The following DOT1L variants were observed in gnomAD, a reference collection of about 807,000 sequenced individuals.
The protein encoded by DOT1L is histone-lysine N-methyltransferase, H3 lysine-79 specific.
Under a neutral mutation model 153.3 loss-of-function variants are expected in DOT1L, and 33 were observed. That is an observed-to-expected ratio of 0.22 (90% CI 0.16 to 0.29). The LOEUF (loss-of-function observed/expected upper bound fraction) is 0.29, where lower values mean the gene tolerates loss of function less well. Ranked by LOEUF, DOT1L falls within the 10% of genes least tolerant of loss-of-function variation. The pLI is 1.00. For synonymous variants in DOT1L, 1,135 were observed against 965.1 expected, an observed-to-expected ratio of 1.18 and a Z score of -3.26; for missense variants, 1,847 against 2,119.9, an observed-to-expected ratio of 0.87 and a Z score of 2.53.
At position 2,167,194 on chromosome 19, in the gene DOT1L, C is replaced by T. The variant is rs532942159; in HGVS notation, c.81+2929C>T. On this transcript the variant is annotated intron_variant, in intron 1 of 27. Transcript: ENST00000398665. ...GATTTTTGGTGAAAGTCAGTGTTCG[C>T]GTGGCGAGGTTCTCAGGGGTGGACC... Among the ~76,000 whole-genome samples the T allele has an allele frequency of 4.6e-5, 7 of 152,230 alleles. No individual in the cohort carries two copies. In the South Asian group the frequency reaches 1.0e-3, roughly 23 times the overall value.
At chr19:2,178,168 G>C (rs2022042340) in intron 1 of DOT1L, among the ~76,000 whole-genome samples, 1 of 149,776 alleles carries the variant, frequency 6.7e-6, no homozygotes, top group African/African-American at 2.5e-5. Context: ...CTGACCTCGA[G>C]TGATCCACCC....
chr19:2,199,806 C>A lies in DOT1L; in HGVS notation c.652-78C>A, dbSNP rs112096482. ...CAAGCGGAGCTGTGTTCATTCCATT[C>A]TTTCTTCACAGGGGCTGGGCGGGCT... is the stretch of plus-strand genomic sequence containing the variant. On this transcript the variant is annotated intron_variant, in intron 7 of 27. Coordinates refer to ENST00000398665, the MANE Select transcript of DOT1L (RefSeq NM_032482.3). 1.2e-5 allele frequency: 17 copies of A among 1,414,554 alleles called. 2 individuals are homozygous for A. In the African/African-American group the frequency reaches 1.6e-4, roughly 14 times the overall value. The allele number at this position is 1,414,554 out of a possible 1,614,324, so 87.6% of individuals were successfully genotyped here.
rs2023589270 is a variant in DOT1L, at chr19:2,208,491, A to AGCTGAG, written c.964-434_964-429dup. Among the ~76,000 whole-genome samples, 1 of 152,044 alleles carries AGCTGAG rather than the reference A, an allele frequency of 6.6e-6. No individual in the cohort carries two copies. The highest frequency in any genetic ancestry group is 2.4e-5 in the African/African-American group (1 of 41,390). On this transcript the variant is annotated intron_variant, in intron 11 of 27. Transcript: ENST00000398665. The surrounding 1 kb of genome is among the most constrained non-coding windows in gnomAD (Gnocchi z 4.4). ...GGGCCCTGGGACGAGAGGCATGGTGAGCTGAGGCTGAGGCTCTGGGGGCTT... is the reference window on the plus strand; with the variant it reads ...GGGCCCTGGGACGAGAGGCATGGTGAGCTGAGGCTGAGGCTGAGGCTCTGGGGGCTT...
intron 14 of DOT1L, 26 bp downstream of exon 14, chr19:2,210,881 C>T (rs2144834404): frequency 6.2e-7 from 1 of 1,607,936 alleles, no homozygotes; most frequent in Non-Finnish European, 8.5e-7. Context: ...GCCACGGCCC[C>T]CGCTCTCCCC....
chr19:2,188,926 G>C (rs1007939882), intron 3 of DOT1L, among the ~76,000 whole-genome samples: 2 of 152,174 alleles, frequency 1.3e-5, no homozygotes, highest in Admixed American at 6.5e-5. Context: ...GTGCCCCACA[G>C]ACAGTGGGCA....
rs750457600 is a variant in DOT1L, at chr19:2,226,905, C to T, written c.4384C>T (p.Arg1462Trp). ...CGCGGCGTCCTCCGCCCAGACGCAC[C>T]GGTCCTTCCTGGGCCCCTTCCCGCC... is the stretch of plus-strand genomic sequence containing the variant. ...GGAASSAQTHRSFLGPFPPGP... is the reference protein window; with the variant it reads ...GGAASSAQTHWSFLGPFPPGP... Residue 1462 changes from arginine (R) to tryptophan (W), a missense_variant, in exon 27 of 28, where the codon CGG (arginine) becomes TGG (tryptophan). This residue lies in a region of DOT1L where 934 missense variants were observed against 825.3 expected (regional missense o/e 1.13). Transcript: ENST00000398665. 1.1e-5 allele frequency: 17 copies of T among 1,578,750 alleles called. No individual in the cohort carries two copies. Among genetic ancestry groups the T allele is most frequent in the East Asian group, 2.3e-5 (1 of 42,936 alleles).
At chr19:2,187,846 C>T (rs575712285) in intron 3 of DOT1L, among the ~76,000 whole-genome samples, 92 of 149,340 alleles carry the variant, frequency 6.2e-4, no homozygotes, top group South Asian at 1.3e-3. Flanking sequence ...GGTGTGAACC[C>T]GGGAGGCGGA....
intron 8 of DOT1L, 101 bp from the exon 9 acceptor site, chr19:2,202,599 G>A (rs1298443226): frequency 3.6e-5 from 44 of 1,216,904 alleles, no homozygotes; most frequent in Admixed American, 9.1e-5. Flanking sequence ...GGGCGGGTGT[G>A]GGCAGGGCCT....
intron 9 of DOT1L, among the ~76,000 whole-genome samples, chr19:2,205,374 A>T (rs1278854338): frequency 1.3e-5 from 2 of 152,190 alleles, no homozygotes; most frequent in Non-Finnish European, 2.9e-5. Flanking sequence ...TTCTTCCTGC[A>T]GCACACACAA....
rs1290369861 is a variant in DOT1L at position 2,216,284 on chromosome 19, A to G, written c.1927A>G (p.Ser643Gly). Residue 643 changes from serine (S) to glycine (G), a missense_variant, in exon 20 of 28, where the codon AGC becomes GGC. By Grantham distance (56) the Ser-to-Gly change is moderately conservative. Around this residue, in one of 8 missense-constraint regions of DOT1L, gnomAD observed 156 missense variants for 235.7 expected, o/e 0.66. Transcript: ENST00000398665. ...GACACCATCTCTCCTCCTGCAGATC[A>G]GCATTGTGGAGCTAGAGAAGAGCCA... Reference protein sequence around the residue: ...KQRHCLELQISIVELEKSQRQ... With the variant: ...KQRHCLELQIGIVELEKSQRQ... 1 of 1,569,338 alleles carries G rather than the reference A, an allele frequency of 6.4e-7. No homozygotes were observed. Among genetic ancestry groups the G allele is most frequent in the Non-Finnish European group, 8.7e-7 (1 of 1,152,514 alleles).
At position 2,222,544 on chromosome 19, in the gene DOT1L, C is replaced by T. The variant is rs972058108; in HGVS notation, c.3375C>T (p.Leu1125=). The change falls in exon 24 of 28, where the codon CTC becomes CTT. Residue 1125 remains leucine, a synonymous_variant. Coordinates refer to ENST00000398665, the MANE Select transcript of DOT1L (RefSeq NM_032482.3). This position sits in a 1 kb window ranked among gnomAD's most constrained non-coding sequence, Gnocchi z 6.5. The part of the protein sequence containing the change: ...GLFTQPSGSP[L]NLNSMVSNIN... Reference sequence around the variant, plus strand: ...TCACACAGCCTTCGGGGTCTCCCCTCAACCTCAACTCCATGGTAAGGATGG... The same window carrying T: ...TCACACAGCCTTCGGGGTCTCCCCTTAACCTCAACTCCATGGTAAGGATGG... 1.9e-6 allele frequency: 3 copies of T among 1,548,034 alleles called. No homozygotes were observed. Among genetic ancestry groups the T allele is most frequent in the African/African-American group, 2.7e-5 (2 of 73,692 alleles).
chr19:2,172,898 A>T (rs1449714864), intron 1 of DOT1L, among the ~76,000 whole-genome samples: 1 of 150,164 alleles, frequency 6.7e-6, no homozygotes, highest in East Asian at 2.0e-4. Flanking sequence ...AATGGCATGA[A>T]CCCAGGAGGC....
rs2024366262 is a variant in DOT1L, at chr19:2,226,934, A to G, written c.4413A>G (p.Gly1471=). The change falls in exon 27 of 28, where the codon GGA becomes GGG. Residue 1471 remains glycine, a synonymous_variant. Coordinates refer to ENST00000398665, the MANE Select transcript of DOT1L (RefSeq NM_032482.3). ...HRSFLGPFPP[G]PQFALGPMSL... ...CCTTCCTGGGCCCCTTCCCGCCGGG[A>G]CCGCAGTTCGCGCTCGGCCCCATGT... is the stretch of plus-strand genomic sequence containing the variant. 6.3e-7 allele frequency: 1 copy of G among 1,582,984 alleles called. No homozygotes were observed. The highest frequency in any genetic ancestry group is 8.5e-7 in the Non-Finnish European group (1 of 1,173,260).
intron 20 of DOT1L, 58 bp downstream of exon 20, chr19:2,216,823 G>A (rs1403777227): frequency 6.4e-7 from 1 of 1,556,944 alleles, no homozygotes; most frequent in East Asian, 2.3e-5. Flanking sequence ...TCTGCCTGGT[G>A]TGCTCAGGCT....
chr19:2,191,194 T>C lies in DOT1L; in HGVS notation c.447T>C (p.Asp149=), dbSNP rs2144742628. The part of the protein sequence containing the change: ...TSFDLVAQMI[D]EIKMTDDDLF... The stretch of plus-strand genomic sequence containing the variant: ...TCGACCTGGTGGCCCAGATGATTGA[T>C]GAGATCAAGATGACCGACGACGACC... The change falls in exon 5 of 28, where the codon GAT becomes GAC. Residue 149 remains aspartate (D), a synonymous_variant. Transcript: ENST00000398665. This position sits in a 1 kb window ranked among gnomAD's most constrained non-coding sequence, Gnocchi z 6.8. 1 of 1,612,864 alleles carries C rather than the reference T, an allele frequency of 6.2e-7. No homozygotes were observed. Among genetic ancestry groups the C allele is most frequent in the Non-Finnish European group, 8.5e-7 (1 of 1,179,390 alleles).
At chr19:2,213,479 C>T in intron 16 of DOT1L, 60 bp from the exon 17 acceptor site, 5 of 1,554,220 alleles carry the variant, frequency 3.2e-6, no homozygotes, top group Non-Finnish European at 4.4e-6. Flanking sequence ...CGTGGGCCCT[C>T]CCTGTGGGCC....
At chr19:2,214,442 T>C in intron 18 of DOT1L, 29 bp from the exon 19 acceptor site, 1 of 1,607,602 alleles carries the variant, frequency 6.2e-7, no homozygotes, top group Non-Finnish European at 8.5e-7. Flanking sequence ...AGCCAGCCAG[T>C]CGCAACTGTC....
rs762020392 is a variant in DOT1L, at chr19:2,220,777, A to T, written c.2806+555A>T. ...ATGTCAGCGGGCATGGCTGTGTGCC[A>T]GCAAAACTGTACTTAAAACAGCAGA... On this transcript the variant is annotated intron_variant, in intron 23 of 27. Transcript: ENST00000398665. The surrounding 1 kb of genome is among the most constrained non-coding windows in gnomAD (Gnocchi z 4.5). 12 of 345,160 alleles carry T rather than the reference A, an allele frequency of 3.5e-5. No homozygotes were observed. Among genetic ancestry groups the T allele is most frequent in the Non-Finnish European group, 6.9e-5 (12 of 173,562 alleles). 21.4% of individuals were successfully genotyped at this position (345,160 alleles called of 1,614,324 possible).
Position 2,206,677 on chromosome 19 carries a change from G to C in DOT1L, c.788-52G>C, listed in dbSNP as rs1346852461. The C allele has an allele frequency of 1.3e-5, 21 of 1,582,432 alleles. No individual in the cohort carries two copies. In the Admixed American group the frequency reaches 1.8e-4, roughly 14 times the overall value. The stretch of plus-strand genomic sequence containing the variant: ...TTCTCTGTCACCTTGAGTGGTGTCT[G>C]CTCTTCTGTTTCCTCTCTCCTGTGT... On this transcript the variant is annotated intron_variant, in intron 9 of 27. Coordinates refer to ENST00000398665, the MANE Select transcript of DOT1L (RefSeq NM_032482.3).
Sources: gnomAD v4.1 joint callset for allele counts (sites outside exome capture counted in the v4.1 genomes callset) on GRCh38, gnomAD v4.1.1 for gene constraint, gnomAD v4.1.1 regional missense constraint, Gnocchi (gnomAD v3.1) non-coding constraint, MANE v1.5 for transcripts, NCBI Gene and HGNC (gene_info 2026-07-23, HGNC 2026-07-21) for gene names.